DPP6: variants seen among roughly 807,000 people sequenced by gnomAD.
DPP6 encodes A-type potassium channel modulatory protein DPP6.
Under a neutral mutation model 122.6 loss-of-function variants are expected in DPP6, and 69 were observed. The ratio of observed to expected loss-of-function variants is 0.56; its 90% CI spans 0.46 to 0.69. DPP6 has a LOEUF of 0.69. Among genes scored for constraint, DPP6 ranks in the 30% least tolerant of loss-of-function variants. The pLI is 0.00. For synonymous variants in DPP6, 418 were observed against 433.1 expected (o/e 0.97, Z 0.43); for missense variants, 928 against 1,116.9 (o/e 0.83, Z 2.41).
At position 153,927,062 on chromosome 7, in the gene DPP6, A is replaced by C. The variant is rs1469597324; in HGVS notation, c.51+39328A>C. Among the ~76,000 whole-genome samples, 3 of 151,838 alleles carry C rather than the reference A, an allele frequency of 2.0e-5. No homozygotes were observed. In the South Asian group the frequency reaches 6.2e-4, roughly 31 times the overall value. ...GCTGGGCATGGTGACTTATGCCTGT[A>C]ATCACTTTGGAAGACGAAGGCAGGA... On this transcript the variant is annotated intron_variant, in intron 1 of 25. Transcript: ENST00000404039.
chr7:154,401,814 T>A (rs1815629703), intron 1 of DPP6, among the ~76,000 whole-genome samples: 1 of 152,102 alleles, frequency 6.6e-6, no homozygotes, highest in South Asian at 2.1e-4. Flanking sequence ...ACAGGCAGCC[T>A]ACAAAATGGG....
chr7:154,737,376 G>A (rs900106621), intron 8 of DPP6, among the ~76,000 whole-genome samples: 1 of 152,098 alleles, frequency 6.6e-6, no homozygotes, highest in African/African-American at 2.4e-5. Flanking sequence ...CTCATCCTCC[G>A]GGATACTTTA....
At chr7:153,782,006 A>ACG in the DPP6 span, among the ~76,000 whole-genome samples, 1 of 126,604 alleles carries the variant, frequency 7.9e-6, no homozygotes, top group East Asian at 2.0e-4. Context: ...ACACACACAC[A>ACG]CACGCCTGAC....
intron 1 of DPP6, among the ~76,000 whole-genome samples, chr7:154,410,536 A>G (rs577613093): frequency 2.0e-5 from 3 of 152,336 alleles, no homozygotes; most frequent in East Asian, 1.9e-4. Flanking sequence ...TGGATAACCA[A>G]TATTATGATA....
intron 2 of DPP6, among the ~76,000 whole-genome samples, chr7:154,451,187 C>T (rs1273117326): frequency 2.0e-5 from 3 of 151,908 alleles, no homozygotes; most frequent in Non-Finnish European, 2.9e-5. Context: ...ACAGTGAAAC[C>T]CCATCTCTAC....
At chr7:154,518,250 T>A (rs559351770) in intron 3 of DPP6, among the ~76,000 whole-genome samples, 2 of 152,356 alleles carry the variant, frequency 1.3e-5, no homozygotes, top group Admixed American at 6.5e-5. Flanking sequence ...TTTTTGTTTC[T>A]TAAATTAGAA....
chr7:154,216,706 A>C lies in DPP6; in HGVS notation c.243+163643A>C, dbSNP rs555537279. On this transcript the variant is annotated intron_variant, in intron 1 of 25. Coordinates refer to ENST00000377770, the MANE Select transcript of DPP6 (RefSeq NM_130797.4). ...AGCTCCCCAGGCACTGAGTCCCAGG[A>C]GGAAGACAGCTCATCTTCATTCGTG... Among the ~76,000 whole-genome samples the C allele has an allele frequency of 3.5e-4, 54 of 152,226 alleles. 1 individual carries two copies. The highest frequency in any genetic ancestry group is 1.2e-3 in the African/African-American group (51 of 41,516).
intron 1 of DPP6, among the ~76,000 whole-genome samples, chr7:154,113,286 C>T (rs1195435400): frequency 3.3e-5 from 5 of 152,058 alleles, no homozygotes; most frequent in Non-Finnish European, 7.4e-5. Flanking sequence ...TTAGTGTTTT[C>T]AGGAAGCCTC....
At chr7:153,888,138 C>T (rs915624344) in intron 1 of DPP6, among the ~76,000 whole-genome samples, 3 of 152,138 alleles carry the variant, frequency 2.0e-5, no homozygotes, top group Admixed American at 1.3e-4. Flanking sequence ...GCCCTGGCGC[C>T]CGCGCCGGCC....
At chr7:154,473,307 C>T (rs1304358072) in intron 2 of DPP6, among the ~76,000 whole-genome samples, 1 of 152,204 alleles carries the variant, frequency 6.6e-6, no homozygotes. Flanking sequence ...TTCAGCCACA[C>T]CTAGAAAGCT....
intron 1 of DPP6, among the ~76,000 whole-genome samples, chr7:154,291,193 C>G (rs1444935176): frequency 6.6e-6 from 1 of 152,102 alleles, no homozygotes; most frequent in Non-Finnish European, 1.5e-5. Context: ...CCTATTGGGA[C>G]CTTTTACTTG....
intron 1 of DPP6, among the ~76,000 whole-genome samples, chr7:154,145,072 C>T (rs927241599): frequency 6.6e-6 from 1 of 152,200 alleles, no homozygotes; most frequent in African/African-American, 2.4e-5. Context: ...ACACCATCTC[C>T]CAGTTGTTTA....
chr7:154,856,209 C>A (rs1024274835), intron 17 of DPP6, among the ~76,000 whole-genome samples: 1 of 152,170 alleles, frequency 6.6e-6, no homozygotes, highest in African/African-American at 2.4e-5. Context: ...AAAGTCATTC[C>A]CTTAAATGCT....
At chr7:154,001,874 C>A (rs1797707495) in intron 1 of DPP6, among the ~76,000 whole-genome samples, 1 of 152,058 alleles carries the variant, frequency 6.6e-6, no homozygotes, top group Non-Finnish European at 1.5e-5. Flanking sequence ...ACGATTGTTT[C>A]CTCATTCCTG....
chr7:154,524,071 A>G (rs1827214641), intron 3 of DPP6, among the ~76,000 whole-genome samples: 1 of 152,228 alleles, frequency 6.6e-6, no homozygotes, highest in South Asian at 2.1e-4. Context: ...CTCCTTCATA[A>G]ACAGGCTATT....
the DPP6 span, among the ~76,000 whole-genome samples, chr7:153,797,928 G>A: frequency 1.5e-3 from 227 of 152,058 alleles, no homozygotes; most frequent in African/African-American, 5.2e-3. Context: ...TATAAGCTCC[G>A]CCTTCTGGGT....
intron 1 of DPP6, among the ~76,000 whole-genome samples, chr7:154,311,651 A>G (rs1374380571): frequency 3.3e-5 from 5 of 152,190 alleles, no homozygotes. Context: ...AGAGGTCTCA[A>G]CACACACAGC....
chr7:153,859,552 G>C, the DPP6 span, among the ~76,000 whole-genome samples: 2 of 152,180 alleles, frequency 1.3e-5, no homozygotes, highest in Admixed American at 6.5e-5. Context: ...GGGCATTTGA[G>C]TGCTGGCTTT....
At chr7:154,169,130 A>G (rs1043948121) in intron 1 of DPP6, among the ~76,000 whole-genome samples, 4 of 152,116 alleles carry the variant, frequency 2.6e-5, no homozygotes, top group Non-Finnish European at 5.9e-5. Flanking sequence ...AGAGGAGACA[A>G]TCAGTTGCTA....
Sources: allele counts gnomAD v4.1 joint callset (sites outside exome capture counted in the v4.1 genomes callset), GRCh38; gene constraint gnomAD v4.1.1; transcripts MANE v1.5; gene names NCBI Gene and HGNC (gene_info 2026-07-23, HGNC 2026-07-21).